The following CAMKK2 variants were observed in gnomAD, a reference collection of about 807,000 sequenced individuals.
CAMKK2 encodes the protein calcium/calmodulin-dependent protein kinase kinase 2.
A neutral mutation model predicts 67.2 loss-of-function variants in CAMKK2; 30 were observed. The observed-to-expected ratio is 0.45, with a 90% confidence interval of 0.33 to 0.61. The LOEUF (loss-of-function observed/expected upper bound fraction) is 0.61. Among genes scored for constraint, CAMKK2 ranks in the 20% least tolerant of loss-of-function variants. CAMKK2 has a pLI of 0.02. For missense variants in CAMKK2, 643 were observed against 802.0 expected, an observed-to-expected ratio of 0.80 and a Z score of 2.39; for synonymous variants, 322 against 326.2, an observed-to-expected ratio of 0.99 and a Z score of 0.14.
intron 16 of CAMKK2, among the ~76,000 whole-genome samples, chr12:121,242,522 C>G (rs1378758390): frequency 6.6e-6 from 1 of 152,162 alleles, no homozygotes; most frequent in East Asian, 1.9e-4. Flanking sequence ...AGGCTCACAC[C>G]CAAGGCGGGG....
intron 6 of CAMKK2, among the ~76,000 whole-genome samples, chr12:121,262,647 C>T (rs1893698294): frequency 6.6e-6 from 1 of 152,134 alleles, no homozygotes; most frequent in Non-Finnish European, 1.5e-5. Flanking sequence ...TAGCCTCGAA[C>T]TCCTGGGCTG....
At chr12:121,244,179 G>C in intron 16 of CAMKK2, 1 of 1,591,014 alleles carries the variant, frequency 6.3e-7, no homozygotes. Context: ...CCCTAGCGAA[G>C]AGCCACACAG....
intron 16 of CAMKK2, chr12:121,243,885 G>A (rs890964773): frequency 2.7e-5 from 37 of 1,378,136 alleles, no homozygotes; most frequent in African/African-American, 2.6e-4. Context: ...AGGTAGCCAT[G>A]ATGTGCTCAG....
chr12:121,271,696 A>T (rs1895815607), intron 2 of CAMKK2, among the ~76,000 whole-genome samples: 1 of 152,176 alleles, frequency 6.6e-6, no homozygotes, highest in Non-Finnish European at 1.5e-5. Flanking sequence ...ACTTCACCAA[A>T]ATTAAAACTT....
At chr12:121,277,645 A>G (rs1213995164) in intron 1 of CAMKK2, among the ~76,000 whole-genome samples, 1 of 152,164 alleles carries the variant, frequency 6.6e-6, no homozygotes, top group African/African-American at 2.4e-5. Flanking sequence ...AAGTGTTGTA[A>G]GATTTCAGTT....
chr12:121,264,734 A>C (rs1894175042), intron 5 of CAMKK2, among the ~76,000 whole-genome samples: 1 of 151,770 alleles, frequency 6.6e-6, no homozygotes, highest in African/African-American at 2.4e-5. Flanking sequence ...AGATAGCGCC[A>C]CTGCACTCGA....
At chr12:121,270,668 G>A (rs960966042) in intron 3 of CAMKK2, among the ~76,000 whole-genome samples, 9 of 152,224 alleles carry the variant, frequency 5.9e-5, no homozygotes, top group African/African-American at 1.7e-4. Context: ...TCACCAAGGC[G>A]ATATGGAATT....
intron 3 of CAMKK2, 29 bp downstream of exon 3, chr12:121,270,869 A>T: frequency 6.3e-7 from 1 of 1,599,256 alleles, no homozygotes; most frequent in Non-Finnish European, 8.6e-7. Context: ...GTGAATGCAG[A>T]AAGCCAGCCT....
intron 16 of CAMKK2, among the ~76,000 whole-genome samples, chr12:121,242,750 CTT>C (rs62818660): frequency 6.7e-6 from 1 of 150,200 alleles, no homozygotes; most frequent in African/African-American, 2.4e-5. Flanking sequence ...TTTTTCTTTT[CTT>C]TTTTTTTTGA....
intron 2 of CAMKK2, 103 bp from the exon 3 acceptor site, chr12:121,271,048 G>T (rs984985288): frequency 1.2e-6 from 1 of 855,548 alleles, no homozygotes; most frequent in African/African-American, 1.7e-5. Context: ...ACCAAGGTGG[G>T]AGGATCACTT....
At position 121,255,259 on chromosome 12, in the gene CAMKK2, T is replaced by C. The variant is rs866043897; in HGVS notation, c.907+291A>G. Among the ~76,000 whole-genome samples, 90 of 70,158 alleles carry C rather than the reference T, an allele frequency of 1.3e-3. 2 individuals are homozygous for C. Among genetic ancestry groups the C allele is most frequent in the African/African-American group, 5.1e-3 (80 of 15,726 alleles). 46.0% of individuals were successfully genotyped at this position (70,158 alleles called of 152,430 possible). A position where few individuals can be genotyped will look rare whatever the true frequency, so the allele number is the denominator to read the frequency against. On this transcript the variant is annotated intron_variant, in intron 9 of 16. Transcript: ENST00000404169. ...TTTTATATATATATAATTATATATATAATTTTATATATATATAATTATATA... is the reference window on the plus strand; with the variant it reads ...TTTTATATATATATAATTATATATACAATTTTATATATATATAATTATATA...
Position 121,245,287 on chromosome 12 carries a change from T to C in CAMKK2, c.1453-47A>G, listed in dbSNP as rs201273203. On this transcript the variant is annotated intron_variant, in intron 14 of 16. Coordinates refer to ENST00000404169, the MANE Select transcript of CAMKK2 (RefSeq NM_001270485.2). The surrounding 1 kb of genome is among the most constrained non-coding windows in gnomAD (Gnocchi z 5.8). The stretch of plus-strand genomic sequence containing the variant: ...GGTGGCAGGCAACTGCTTGGCCATG[T>C]GGGGGCGATTCTGGGCAACATCCTC... 4.1e-6 allele frequency: 5 copies of C among 1,229,206 alleles called. No individual in the cohort carries two copies. The highest frequency in any genetic ancestry group is 5.9e-6 in the Non-Finnish European group (5 of 850,294). 76.1% of individuals were successfully genotyped at this position (1,229,206 alleles called of 1,614,324 possible). A position where few individuals can be genotyped will look rare whatever the true frequency, so the allele number is the denominator to read the frequency against.
rs63023660 is a variant in CAMKK2 at position 121,240,524 on chromosome 12, CTT to C, written c.*173_*174del. 345 of 1,456,988 alleles carry C rather than the reference CTT, an allele frequency of 2.4e-4. No homozygotes were observed. The highest frequency in any genetic ancestry group is 1.9e-3 in the Admixed American group (90 of 46,472). The allele number at this position is 1,456,988 out of a possible 1,614,324, so 90.3% of individuals were successfully genotyped here. A position where few individuals can be genotyped will look rare whatever the true frequency, so the allele number is the denominator to read the frequency against. On this transcript the variant is annotated 3_prime_UTR_variant, in exon 17 of 17. Transcript: ENST00000404169. This position sits in a 1 kb window ranked among gnomAD's most constrained non-coding sequence, Gnocchi z 4.4. ...ACGGTCGACGTCATGGAGTCAAGTC[CTT>C]TTTTTTTTTTTGTCCCCTTTAAAAC...
At chr12:121,292,632 C>A (rs1467112075) in intron 1 of CAMKK2, among the ~76,000 whole-genome samples, 1 of 152,140 alleles carries the variant, frequency 6.6e-6, no homozygotes, top group African/African-American at 2.4e-5. Flanking sequence ...TTCTCTAACC[C>A]CATCCAAAGA....
Position 121,269,597 on chromosome 12 carries a change from T to C in CAMKK2, c.520-16A>G. On this transcript the variant is annotated splice_polypyrimidine_tract_variant and intron_variant, in intron 3 of 16. Transcript: ENST00000404169. ...CATAGGAGCCCTGGATAAAGGGAGA[T>C]GCCCATGACATACTATCCAGAAGTT... 1 of 1,598,330 alleles carries C rather than the reference T, an allele frequency of 6.3e-7. No homozygotes were observed. Among genetic ancestry groups the C allele is most frequent in the Non-Finnish European group, 8.6e-7 (1 of 1,169,482 alleles).
Position 121,253,442 on chromosome 12 carries a change from A to T in CAMKK2, c.938T>A (p.Ile313Asn). ...TCCGACCAGGAGGTTGGAAGGTTTG[A>T]TGTCACGGTGGATGATCTTCTGGTA... ...LHYQKIIHRD[I>N]KPSNLLVGED... The change falls in exon 10 of 17, where the codon ATC (isoleucine) becomes AAC (asparagine). Residue 313 changes from isoleucine (I) to asparagine (N), a missense_variant. This residue lies in a region of CAMKK2 where 483 missense variants were observed against 625.8 expected (regional missense o/e 0.77). Coordinates refer to ENST00000404169, the MANE Select transcript of CAMKK2 (RefSeq NM_001270485.2). The surrounding 1 kb of genome is among the most constrained non-coding windows in gnomAD (Gnocchi z 5.0). 6.2e-7 allele frequency: 1 copy of T among 1,614,130 alleles called. No individual in the cohort carries two copies. The highest frequency in any genetic ancestry group is 8.5e-7 in the Non-Finnish European group (1 of 1,180,024).
At chr12:121,257,852 G>A (rs1398743673) in intron 7 of CAMKK2, among the ~76,000 whole-genome samples, 1 of 152,030 alleles carries the variant, frequency 6.6e-6, no homozygotes, top group Non-Finnish European at 1.5e-5. Flanking sequence ...CAAGCTTCAT[G>A]AATTTCTGCA....
Position 121,245,229 on chromosome 12 carries a change from C to A in CAMKK2, c.1464G>T (p.Lys488Asn). The A allele has an allele frequency of 1.2e-6, 2 of 1,602,520 alleles. No individual in the cohort carries two copies. Among genetic ancestry groups the A allele is most frequent in the Admixed American group, 1.7e-5 (1 of 58,996 alleles). The change falls in exon 15 of 17, where the codon AAG becomes AAT. Residue 488 changes from lysine (K) to asparagine (N), a missense_variant. By Grantham distance (94) the Lys-to-Asn change is moderately conservative (BLOSUM62 0). Coordinates refer to ENST00000404169, the MANE Select transcript of CAMKK2 (RefSeq NM_001270485.2). This position sits in a 1 kb window ranked among gnomAD's most constrained non-coding sequence, Gnocchi z 5.8. ...CAAAGGAGCGTTTACGTATCATGGT[C>A]TTCACCAGGATCTGAAGAGGGAGAA... Reference protein sequence around the residue: ...IPSLATVILVKTMIRKRSFGN... With the variant: ...IPSLATVILVNTMIRKRSFGN...
chr12:121,261,798 C>T (rs532833777), intron 6 of CAMKK2, among the ~76,000 whole-genome samples: 61 of 152,370 alleles, frequency 4.0e-4, no homozygotes, highest in African/African-American at 1.3e-3. Context: ...GGAACCACCA[C>T]GGCCATCTCA....
Sources: allele counts gnomAD v4.1 joint callset (sites outside exome capture counted in the v4.1 genomes callset), GRCh38; gene constraint gnomAD v4.1.1; regional missense constraint gnomAD v4.1.1; non-coding constraint Gnocchi (gnomAD v3.1); transcripts MANE v1.5; gene names NCBI Gene and HGNC (gene_info 2026-07-23, HGNC 2026-07-21).